SLC26A5: variants seen among roughly 807,000 people sequenced by gnomAD.
SLC26A5 encodes prestin.
A neutral mutation model predicts 81.0 loss-of-function variants in SLC26A5; 51 were observed. The observed-to-expected ratio is 0.63, with a 90% CI of 0.50 to 0.80. SLC26A5 has a LOEUF of 0.80. SLC26A5 is among the 30% of genes least tolerant of loss of function. The pLI, the probability that SLC26A5 is intolerant of heterozygous loss-of-function variation, is 0.00. For synonymous variants in SLC26A5, 325 were observed against 332.8 expected, an observed-to-expected ratio of 0.98 and a Z score of 0.25; for missense variants, 771 against 905.8, an observed-to-expected ratio of 0.85 and a Z score of 1.91.
Position 103,378,548 on chromosome 7 carries a change from T to C in SLC26A5, c.1683A>G (p.Gly561=). 1.9e-6 allele frequency: 3 copies of C among 1,614,008 alleles called. No individual in the cohort carries two copies. The highest frequency in any genetic ancestry group is 2.5e-6 in the Non-Finnish European group (3 of 1,179,918). The part of the protein sequence containing the change: ...LYSNALKRKT[G]VNPAVIMGAR... ...CTCCCATGATGACTGCTGGGTTCAC[T>C]CCAGTCTTTACAGAAGAGCACCATA... is the stretch of plus-strand genomic sequence containing the variant. Residue 561 remains glycine (G), a synonymous_variant, in exon 17 of 20, where the codon GGA becomes GGG. Coordinates refer to ENST00000306312, the MANE Select transcript of SLC26A5 (RefSeq NM_198999.3).
intron 19 of SLC26A5, among the ~76,000 whole-genome samples, chr7:103,361,240 T>C (rs1820375894): frequency 6.6e-6 from 1 of 151,802 alleles, no homozygotes; most frequent in African/African-American, 2.4e-5. Context: ...TCCCAGCACT[T>C]TGGGAAGCTG....
chr7:103,441,837 G>A (rs1163207381), intron 2 of SLC26A5, among the ~76,000 whole-genome samples: 1 of 152,198 alleles, frequency 6.6e-6, no homozygotes, highest in African/African-American at 2.4e-5. Context: ...AAGGTGAGCA[G>A]GCACAGCAGC....
intron 4 of SLC26A5, among the ~76,000 whole-genome samples, chr7:103,416,377 A>G (rs989965009): frequency 6.6e-6 from 1 of 152,196 alleles, no homozygotes; most frequent in East Asian, 1.9e-4. Flanking sequence ...TTGGGCTATA[A>G]GTTTTTTTGC....
At chr7:103,362,655 G>A (rs536199694) in intron 19 of SLC26A5, 1 of 1,554,918 alleles carries the variant, frequency 6.4e-7, no homozygotes, top group African/African-American at 1.4e-5. Flanking sequence ...CTTAAAGAAT[G>A]TATTAATGAC....
At chr7:103,359,129 C>T in intron 19 of SLC26A5, among the ~76,000 whole-genome samples, 1 of 113,858 alleles carries the variant, frequency 8.8e-6, no homozygotes, top group East Asian at 2.7e-4. Context: ...CATACCACCC[C>T]ATGTCTGGCT....
At chr7:103,379,874 T>C (rs1046594774) in intron 15 of SLC26A5, among the ~76,000 whole-genome samples, 1 of 152,188 alleles carries the variant, frequency 6.6e-6, no homozygotes, top group Non-Finnish European at 1.5e-5. Flanking sequence ...TATACTTCTT[T>C]GGATCGAGGA....
intron 14 of SLC26A5, among the ~76,000 whole-genome samples, chr7:103,388,044 G>A (rs1822336452): frequency 6.6e-6 from 1 of 151,950 alleles, no homozygotes. Context: ...TCACAAAAAG[G>A]TGTTTTTTTG....
chr7:103,435,648 A>G (rs1826394675), intron 2 of SLC26A5, among the ~76,000 whole-genome samples: 1 of 152,232 alleles, frequency 6.6e-6, no homozygotes, highest in African/African-American at 2.4e-5. Context: ...CTACTTCACT[A>G]TAACTAGTCC....
At chr7:103,356,828 A>G (rs1820060921) in intron 19 of SLC26A5, among the ~76,000 whole-genome samples, 1 of 152,148 alleles carries the variant, frequency 6.6e-6, no homozygotes, top group Non-Finnish European at 1.5e-5. Flanking sequence ...AATGTTGCTT[A>G]GAAAAACCTA....
At chr7:103,439,599 T>A (rs982518097) in intron 2 of SLC26A5, among the ~76,000 whole-genome samples, 13 of 152,156 alleles carry the variant, frequency 8.5e-5, no homozygotes, top group African/African-American at 2.9e-4. Flanking sequence ...AGTGGTGCGA[T>A]CACAGCTCGC....
chr7:103,424,920 A>G (rs1250070262), intron 2 of SLC26A5, among the ~76,000 whole-genome samples: 3 of 152,208 alleles, frequency 2.0e-5, no homozygotes, highest in Admixed American at 6.5e-5. Flanking sequence ...ATGGGTATTC[A>G]CTACTTGTGG....
intron 2 of SLC26A5, among the ~76,000 whole-genome samples, chr7:103,438,911 T>A (rs1176602467): frequency 2.0e-5 from 3 of 152,148 alleles, no homozygotes; most frequent in Non-Finnish European, 4.4e-5. Flanking sequence ...TAATAAAAAA[T>A]TTCTCAATTT....
Position 103,427,147 on chromosome 7 carries a change from C to T in SLC26A5, c.-53-5580G>A, listed in dbSNP as rs569741654. On this transcript the variant is annotated intron_variant, in intron 2 of 19. Coordinates refer to ENST00000306312, the MANE Select transcript of SLC26A5 (RefSeq NM_198999.3). ...GGAGTGCAGTGGCGTGATCTTGGCT[C>T]ACTGCAACCTCTGCCTCCTGGGTTC... 2.6e-5 allele frequency among the ~76,000 whole-genome samples: 4 copies of T among 151,312 alleles called. No homozygotes were observed. In the South Asian group the frequency reaches 8.4e-4, roughly 32 times the overall value.
intron 4 of SLC26A5, among the ~76,000 whole-genome samples, chr7:103,420,168 A>G (rs1340959867): frequency 6.6e-6 from 1 of 152,148 alleles, no homozygotes; most frequent in African/African-American, 2.4e-5. Context: ...AAACCTTAAC[A>G]ACAACCATAA....
At chr7:103,416,006 A>G (rs116997627) in intron 4 of SLC26A5, among the ~76,000 whole-genome samples, 85 of 152,102 alleles carry the variant, frequency 5.6e-4, no homozygotes, top group Admixed American at 2.1e-3. Flanking sequence ...GATTTCCTCT[A>G]CTTTATCTTC....
intron 3 of SLC26A5, among the ~76,000 whole-genome samples, chr7:103,421,113 T>C (rs1292004563): frequency 1.3e-5 from 2 of 152,118 alleles, no homozygotes; most frequent in Admixed American, 1.3e-4. Context: ...TTAGAAAGCA[T>C]GTTGGTTATG....
chr7:103,388,749 A>G (rs920051181), intron 14 of SLC26A5: 5 of 408,480 alleles, frequency 1.2e-5, no homozygotes, highest in Non-Finnish European at 2.3e-5. Context: ...AATGATGGAA[A>G]TTAGGCTCTT....
chr7:103,355,576 A>T, intron 19 of SLC26A5: 1 of 735,996 alleles, frequency 1.4e-6, no homozygotes, highest in South Asian at 1.7e-5. Context: ...TATAATGCAC[A>T]TGATAGTCCT....
chr7:103,362,795 T>C, intron 19 of SLC26A5: 1 of 209,200 alleles, frequency 4.8e-6, no homozygotes, highest in Non-Finnish European at 8.3e-6. Context: ...AGGCTATGTC[T>C]TTTTTTTTTT....
Sources: gnomAD v4.1 joint callset for allele counts (sites outside exome capture counted in the v4.1 genomes callset) on GRCh38, gnomAD v4.1.1 for gene constraint, MANE v1.5 for transcripts, NCBI Gene and HGNC (gene_info 2026-07-23, HGNC 2026-07-21) for gene names.